LRRFIP1: variants seen among roughly 807,000 people sequenced by gnomAD.
The protein encoded by LRRFIP1 is LRR binding FLII interacting protein 1.
In LRRFIP1, 62 loss-of-function variants were observed where a neutral mutation model predicts 104.4. That is an observed-to-expected ratio of 0.59 (90% CI 0.48 to 0.73). The LOEUF is 0.73. Ranked by LOEUF, LRRFIP1 falls within the 30% of genes least tolerant of loss-of-function variation. LRRFIP1 has a pLI of 0.00. For missense variants in LRRFIP1, 796 were observed against 824.5 expected (o/e 0.97, Z 0.42); for synonymous variants, 300 against 299.0 (o/e 1.00, Z -0.03).
Position 237,758,829 on chromosome 2 carries a change from G to A in LRRFIP1, c.1317+8G>A. On this transcript the variant is annotated splice_region_variant and intron_variant, in intron 18 of 23. Coordinates refer to ENST00000308482, the MANE Select transcript of LRRFIP1 (RefSeq NM_001137550.2). ...CTGAAAGAGGAATTAAAGGTATGAA[G>A]CCAAACTACAGTTTTATTTAAAAAA... The A allele has an allele frequency of 6.3e-7, 1 of 1,587,826 alleles. No individual in the cohort carries two copies.
intron 14 of LRRFIP1, among the ~76,000 whole-genome samples, chr2:237,752,885 C>T (rs1260964380): frequency 6.6e-6 from 1 of 152,202 alleles, no homozygotes; most frequent in South Asian, 2.1e-4. Context: ...TTATCTCAGC[C>T]ATCACACACT....
intron 1 of LRRFIP1, among the ~76,000 whole-genome samples, chr2:237,643,992 G>A (rs907275132): frequency 6.6e-6 from 1 of 152,152 alleles, no homozygotes; most frequent in Non-Finnish European, 1.5e-5. Flanking sequence ...AGATATAGAG[G>A]GGAAAATTAA....
At chr2:237,775,263 G>A (rs2060981784) in intron 23 of LRRFIP1, among the ~76,000 whole-genome samples, 1 of 152,252 alleles carries the variant, frequency 6.6e-6, no homozygotes, top group Non-Finnish European at 1.5e-5. Flanking sequence ...AGCCCAGGGA[G>A]TGAGCCAGGC....
intron 1 of LRRFIP1, among the ~76,000 whole-genome samples, chr2:237,676,264 G>A (rs753224105): frequency 2.0e-5 from 3 of 152,092 alleles, no homozygotes; most frequent in Non-Finnish European, 4.4e-5. Flanking sequence ...AAAAGTTCAA[G>A]GTACATAGTT....
intron 19 of LRRFIP1, among the ~76,000 whole-genome samples, chr2:237,767,128 C>T (rs948872562): frequency 1.3e-5 from 2 of 152,064 alleles, no homozygotes; most frequent in African/African-American, 4.8e-5. Context: ...GTGAATTGTG[C>T]TCACACCACT....
intron 1 of LRRFIP1, among the ~76,000 whole-genome samples, chr2:237,645,709 A>G (rs6740284): frequency 0.27 from 40,609 of 151,796 alleles, 6,070 homozygotes; most frequent in Non-Finnish European, 0.3. Context: ...ACTCAATGTC[A>G]CTCTTCATGA....
intron 1 of LRRFIP1, among the ~76,000 whole-genome samples, chr2:237,694,945 GAC>G (rs1431265140): frequency 6.6e-6 from 1 of 152,202 alleles, no homozygotes; most frequent in Non-Finnish European, 1.5e-5. Context: ...GGAGAGCGTG[GAC>G]ACACAGTCTC....
At chr2:237,702,594 C>T (rs1302077329) in intron 1 of LRRFIP1, among the ~76,000 whole-genome samples, 1 of 152,212 alleles carries the variant, frequency 6.6e-6, no homozygotes, top group Non-Finnish European at 1.5e-5. Context: ...AACCCAGCAG[C>T]GGGCCACCTT....
intron 1 of LRRFIP1, among the ~76,000 whole-genome samples, chr2:237,680,617 C>T (rs984988166): frequency 3.3e-5 from 5 of 152,172 alleles, no homozygotes; most frequent in African/African-American, 1.2e-4. Context: ...CCCTTGAATA[C>T]CGAGGGACAA....
chr2:237,669,982 C>T (rs1444849372), intron 1 of LRRFIP1, among the ~76,000 whole-genome samples: 5 of 152,210 alleles, frequency 3.3e-5, no homozygotes, highest in Non-Finnish European at 7.3e-5. Context: ...GAATATTAGA[C>T]ACCATATCAT....
chr2:237,734,273 CTTTTT>C (rs71870330), intron 9 of LRRFIP1, among the ~76,000 whole-genome samples: 2,837 of 90,314 alleles, frequency 0.031, 25 homozygotes, highest in South Asian at 0.07. Flanking sequence ...TGTTAATAAC[CTTTTT>C]TTTTTTTTTT....
intron 1 of LRRFIP1, among the ~76,000 whole-genome samples, chr2:237,707,642 C>CG (rs2093881535): frequency 6.6e-6 from 1 of 152,098 alleles, no homozygotes; most frequent in Admixed American, 6.6e-5. Context: ...ATCGAGCTTA[C>CG]GGGGCTGTGG....
At chr2:237,732,650 T>G (rs1214152619) in intron 8 of LRRFIP1, among the ~76,000 whole-genome samples, 1 of 152,226 alleles carries the variant, frequency 6.6e-6, no homozygotes, top group African/African-American at 2.4e-5. Context: ...AAGGAGGGTT[T>G]TATTAAATGC....
chr2:237,747,388 C>T (rs940506752), intron 11 of LRRFIP1, among the ~76,000 whole-genome samples: 10 of 152,154 alleles, frequency 6.6e-5, no homozygotes, highest in African/African-American at 1.9e-4. Flanking sequence ...TCTGGCCCAG[C>T]GTGGACTCGG....
chr2:237,749,442 C>G (rs2304432), intron 13 of LRRFIP1, 118 bp downstream of exon 13: 95,384 of 1,168,598 alleles, frequency 0.082, 4,490 homozygotes, highest in East Asian at 0.2. Flanking sequence ...GGTCCTCTCT[C>G]CCTCACCTCC....
intron 23 of LRRFIP1, among the ~76,000 whole-genome samples, chr2:237,779,093 A>G (rs2061336489): frequency 1.3e-5 from 2 of 152,100 alleles, no homozygotes; most frequent in African/African-American, 2.4e-5. Context: ...GTGGTGGCGC[A>G]CACCTGTAGT....
At chr2:237,707,642 C>T (rs1276215766) in intron 1 of LRRFIP1, among the ~76,000 whole-genome samples, 1 of 152,098 alleles carries the variant, frequency 6.6e-6, no homozygotes, top group Non-Finnish European at 1.5e-5. Flanking sequence ...ATCGAGCTTA[C>T]GGGGCTGTGG....
At position 237,711,195 on chromosome 2, in the gene LRRFIP1, G is replaced by A. The variant is rs2094064382; in HGVS notation, c.183+2565G>A. On this transcript the variant is annotated intron_variant, in intron 2 of 23. Coordinates refer to ENST00000308482, the MANE Select transcript of LRRFIP1 (RefSeq NM_001137550.2). This position sits in a 1 kb window ranked among gnomAD's most constrained non-coding sequence, Gnocchi z 4.4. Reference sequence around the variant, plus strand: ...CAGCCCTCACTGATGCTTCTGATGAGCACAGGCCTTGCGGAGAACATCTGA... The same window carrying A: ...CAGCCCTCACTGATGCTTCTGATGAACACAGGCCTTGCGGAGAACATCTGA... 6.6e-6 allele frequency among the ~76,000 whole-genome samples: 1 copy of A among 152,238 alleles called. No homozygotes were observed. The highest frequency in any genetic ancestry group is 1.5e-5 in the Non-Finnish European group (1 of 68,048).
rs889752002 is a variant in LRRFIP1, at chr2:237,691,181, C to T, written c.97-17363C>T. On this transcript the variant is annotated intron_variant, in intron 1 of 23. Transcript: ENST00000308482. The surrounding 1 kb of genome is among the most constrained non-coding windows in gnomAD (Gnocchi z 5.4). Reference sequence around the variant, plus strand: ...AAATGTAAATGTGCTTTAAATTTTACATTTCCTGGCGTGGCCAGGACAGGC... The same window carrying T: ...AAATGTAAATGTGCTTTAAATTTTATATTTCCTGGCGTGGCCAGGACAGGC... 6.6e-6 allele frequency among the ~76,000 whole-genome samples: 1 copy of T among 152,172 alleles called. No homozygotes were observed. The highest frequency in any genetic ancestry group is 1.5e-5 in the Non-Finnish European group (1 of 68,032).
Sources: gnomAD v4.1 joint callset for allele counts (sites outside exome capture counted in the v4.1 genomes callset) on GRCh38, gnomAD v4.1.1 for gene constraint, Gnocchi (gnomAD v3.1) non-coding constraint, MANE v1.5 for transcripts, NCBI Gene and HGNC (gene_info 2026-07-23, HGNC 2026-07-21) for gene names.